PCSK2: variants seen among roughly 807,000 people sequenced by gnomAD.
PCSK2 encodes proprotein convertase subtilisin/kexin type 2.
A neutral mutation model predicts 69.7 loss-of-function variants in PCSK2; 14 were observed. The observed-to-expected ratio is 0.20, with a 90% confidence interval of 0.13 to 0.31. PCSK2 has a LOEUF of 0.31. Among genes scored for constraint, PCSK2 ranks in the 10% least tolerant of loss-of-function variants. The pLI, the probability that PCSK2 is intolerant of heterozygous loss-of-function variation, is 1.00. For synonymous variants in PCSK2, 307 were observed against 320.7 expected, an observed-to-expected ratio of 0.96 and a Z score of 0.46; for missense variants, 544 against 842.5, an observed-to-expected ratio of 0.65 and a Z score of 4.39.
intron 2 of PCSK2, among the ~76,000 whole-genome samples, chr20:17,275,118 T>C (rs1713939751): frequency 6.7e-6 from 1 of 148,200 alleles, no homozygotes; most frequent in Non-Finnish European, 1.5e-5. Flanking sequence ...TATATAATGT[T>C]GGGCGACTAA....
intron 2 of PCSK2, among the ~76,000 whole-genome samples, chr20:17,330,346 C>A (rs1990176533): frequency 6.6e-6 from 1 of 152,128 alleles, no homozygotes; most frequent in Non-Finnish European, 1.5e-5. Context: ...GTAATCCCAG[C>A]ACTTTGGGAG....
At chr20:17,288,768 A>T (rs149031707) in intron 2 of PCSK2, among the ~76,000 whole-genome samples, 24 of 152,326 alleles carry the variant, frequency 1.6e-4, no homozygotes, top group Non-Finnish European at 2.8e-4. Flanking sequence ...ACCAACCCAG[A>T]TGACACCTTG....
At chr20:17,323,415 C>T (rs1033063972) in intron 2 of PCSK2, among the ~76,000 whole-genome samples, 1 of 152,120 alleles carries the variant, frequency 6.6e-6, no homozygotes, top group African/African-American at 2.4e-5. Flanking sequence ...GAACTGTGGG[C>T]AAATAAATTT....
intron 11 of PCSK2, among the ~76,000 whole-genome samples, chr20:17,476,534 A>T (rs2033293182): frequency 6.6e-6 from 1 of 152,164 alleles, no homozygotes. Flanking sequence ...TGGTCTAGAC[A>T]TTTGTAAATA....
intron 6 of PCSK2, among the ~76,000 whole-genome samples, chr20:17,426,175 G>A (rs1158878414): frequency 6.6e-6 from 1 of 152,132 alleles, no homozygotes; most frequent in South Asian, 2.1e-4. Context: ...GAATCATGGG[G>A]TCAGTTTCCC....
intron 3 of PCSK2, 70 bp from the exon 4 acceptor site, chr20:17,360,462 G>A (rs1390908523): frequency 1.8e-5 from 16 of 884,810 alleles, no homozygotes; most frequent in Non-Finnish European, 2.9e-5. Context: ...AGTATGTCAA[G>A]TAAATATGTA....
At chr20:17,336,905 T>C (rs1166330191) in intron 2 of PCSK2, among the ~76,000 whole-genome samples, 1 of 152,196 alleles carries the variant, frequency 6.6e-6, no homozygotes, top group Non-Finnish European at 1.5e-5. Flanking sequence ...AAATTGGTTA[T>C]ACCCTTGGAA....
In PCSK2 at chr20:17,259,965, C is replaced by T. The variant is rs776716747; in HGVS notation, c.178-275C>T. Among the ~76,000 whole-genome samples, 202 of 151,956 alleles carry T rather than the reference C, an allele frequency of 1.3e-3. 3 individuals carry two copies. The highest frequency in any genetic ancestry group is 1.4e-3 in the Non-Finnish European group (92 of 68,012). ...GGCTCCATGGAAAAGGAAAGGGAATCAAAGGATGTGCAGAAAGTTAAAAAA... is the reference window on the plus strand; with the variant it reads ...GGCTCCATGGAAAAGGAAAGGGAATTAAAGGATGTGCAGAAAGTTAAAAAA... On this transcript the variant is annotated intron_variant, in intron 1 of 11. Transcript: ENST00000262545.
intron 6 of PCSK2, among the ~76,000 whole-genome samples, chr20:17,424,425 A>G (rs998099190): frequency 6.6e-6 from 1 of 152,216 alleles, no homozygotes; most frequent in Non-Finnish European, 1.5e-5. Flanking sequence ...AAAGAGGGGA[A>G]GGAATGGCAT....
intron 2 of PCSK2, among the ~76,000 whole-genome samples, chr20:17,267,062 A>G (rs1036673658): frequency 5.3e-5 from 8 of 152,132 alleles, no homozygotes; most frequent in African/African-American, 1.4e-4. Flanking sequence ...ACCTTTCTGG[A>G]AGAGTGGACA....
intron 2 of PCSK2, among the ~76,000 whole-genome samples, chr20:17,270,904 C>T (rs1355952703): frequency 3.9e-5 from 6 of 152,032 alleles, no homozygotes. Flanking sequence ...ACCGTTGTTT[C>T]CCCCAGTCTT....
intron 5 of PCSK2, among the ~76,000 whole-genome samples, chr20:17,406,128 T>C (rs1184767667): frequency 6.6e-6 from 1 of 152,188 alleles, no homozygotes; most frequent in Admixed American, 6.5e-5. Context: ...CTGCTCCAAA[T>C]GTCCATGTTA....
At chr20:17,405,324 C>T (rs1021859935) in intron 5 of PCSK2, among the ~76,000 whole-genome samples, 6 of 152,164 alleles carry the variant, frequency 3.9e-5, no homozygotes. Flanking sequence ...CCAGGGAAGC[C>T]CATTGATCAC....
chr20:17,228,673 CTTA>C (rs1201475458), intron 1 of PCSK2, among the ~76,000 whole-genome samples: 8 of 152,146 alleles, frequency 5.3e-5, no homozygotes, highest in Non-Finnish European at 8.8e-5. Flanking sequence ...GACCGAAGCT[CTTA>C]TTAGTCTCTT....
chr20:17,474,345 C>T (rs6136108), intron 11 of PCSK2, among the ~76,000 whole-genome samples: 19,125 of 152,142 alleles, frequency 0.13, 1,154 homozygotes, highest in East Asian at 0.15. Flanking sequence ...CCCAGGCACA[C>T]CCCAGTGTCC....
At position 17,481,899 on chromosome 20, in the gene PCSK2, G is replaced by T. The variant is rs768893308; in HGVS notation, c.1746G>T (p.Gly582=). The T allele has an allele frequency of 6.2e-7, 1 of 1,613,962 alleles. No homozygotes were observed. ...LGFVGSAPQK[G]VLKEWTLMLH... ...TTGTCGGCAGCGCCCCGCAGAAGGG[G>T]GTGCTGAAGGAGTGGACCCTGATGC... Residue 582 remains glycine (G), a synonymous_variant, in exon 12 of 12, where the codon GGG becomes GGT. Transcript: ENST00000262545.
At chr20:17,362,253 T>A (rs1464088713) in intron 4 of PCSK2, among the ~76,000 whole-genome samples, 1 of 152,258 alleles carries the variant, frequency 6.6e-6, no homozygotes. Flanking sequence ...TTTCTTCAGC[T>A]GATTAATGGC....
intron 1 of PCSK2, among the ~76,000 whole-genome samples, chr20:17,236,012 TA>T (rs1301462579): frequency 6.6e-6 from 1 of 151,996 alleles, no homozygotes; most frequent in Non-Finnish European, 1.5e-5. Context: ...TACCAAGTAA[TA>T]AAAAAATACA....
intron 2 of PCSK2, among the ~76,000 whole-genome samples, chr20:17,295,266 A>C (rs1346044530): frequency 6.6e-6 from 1 of 151,694 alleles, no homozygotes. Flanking sequence ...AGTTTAATGC[A>C]TGCCAGATAT....
Sources: allele counts gnomAD v4.1 joint callset (sites outside exome capture counted in the v4.1 genomes callset), GRCh38; gene constraint gnomAD v4.1.1; transcripts MANE v1.5; gene names NCBI Gene and HGNC (gene_info 2026-07-23, HGNC 2026-07-21).